The following PTCH1 variants were observed in gnomAD, a reference collection of about 807,000 sequenced individuals.
The protein encoded by PTCH1 is protein patched homolog 1.
A neutral mutation model predicts 144.6 loss-of-function variants in PTCH1; 14 were observed. That is an observed-to-expected ratio of 0.10 (90% CI 0.06 to 0.15). The LOEUF is 0.15. Ranked by LOEUF, PTCH1 falls within the 10% of genes least tolerant of loss-of-function variation. The pLI, the probability that PTCH1 is intolerant of heterozygous loss-of-function variation, is 1.00. For synonymous variants in PTCH1, 833 were observed against 793.6 expected, an observed-to-expected ratio of 1.05 and a Z score of -0.83; for missense variants, 1,623 against 1,948.3, an observed-to-expected ratio of 0.83 and a Z score of 3.14.
intron 2 of PTCH1, chr9:95,494,207 C>T: frequency 1.0e-6 from 1 of 985,626 alleles, no homozygotes; most frequent in Non-Finnish European, 1.2e-6. Context: ...GCAGTGCCAT[C>T]TGTTATCAGC....
chr9:95,500,110 G>T (rs1843051908), intron 2 of PTCH1, among the ~76,000 whole-genome samples: 1 of 152,162 alleles, frequency 6.6e-6, no homozygotes, highest in South Asian at 2.1e-4. Flanking sequence ...CTCGGCATCA[G>T]CTGTGGTGCA....
intron 2 of PTCH1, chr9:95,506,170 C>T (rs1843604373): frequency 8.1e-6 from 3 of 372,392 alleles, no homozygotes; most frequent in Non-Finnish European, 1.4e-5. Flanking sequence ...CGTCCCGCCC[C>T]CGCCGCTCTC....
chr9:95,483,142 T>C (rs1841685870), intron 3 of PTCH1: 2 of 151,518 alleles, frequency 1.3e-5, no homozygotes. Context: ...GTGCCACACA[T>C]ATATAGTCCC....
chr9:95,473,492 C>T (rs1840756873), intron 12 of PTCH1, among the ~76,000 whole-genome samples: 1 of 151,564 alleles, frequency 6.6e-6, no homozygotes, highest in Admixed American at 6.6e-5. Flanking sequence ...TTCTGATGGC[C>T]ACTGCAAAAA....
At chr9:95,460,271 G>C (rs533050486) in intron 16 of PTCH1, among the ~76,000 whole-genome samples, 1 of 152,244 alleles carries the variant, frequency 6.6e-6, no homozygotes, top group East Asian at 1.9e-4. Context: ...ATGACCTGTG[G>C]ATTCAAAAAA....
At position 95,449,081 on chromosome 9, in the gene PTCH1, G is replaced by A. The variant is rs144312968; in HGVS notation, c.3792C>T (p.Phe1264=). Residue 1264 remains phenylalanine (F), a synonymous_variant, in exon 22 of 24, where the codon TTC becomes TTT. Transcript: ENST00000331920. The surrounding 1 kb of genome is among the most constrained non-coding windows in gnomAD (Gnocchi z 5.3). ...VIVEATENPV[F]AHSTVVHPES... ...CAGAGTCACTTACAGTGGAGTGGGC[G>A]AAGACGGGGTTTTCTGTGGCTTCCA... is the stretch of plus-strand genomic sequence containing the variant. 78 of 1,614,216 alleles carry A rather than the reference G, an allele frequency of 4.8e-5. No homozygotes were observed. Among genetic ancestry groups the A allele is most frequent in the African/African-American group, 2.3e-4 (17 of 75,070 alleles).
chr9:95,484,914 G>A (rs1201918010), intron 3 of PTCH1, among the ~76,000 whole-genome samples: 1 of 152,168 alleles, frequency 6.6e-6, no homozygotes, highest in African/African-American at 2.4e-5. Context: ...TTTTTAAAAA[G>A]GTGTCAGCGG....
intron 14 of PTCH1, among the ~76,000 whole-genome samples, chr9:95,468,037 G>GCC (rs1346443246): frequency 6.6e-6 from 1 of 152,114 alleles, no homozygotes; most frequent in African/African-American, 2.4e-5. Flanking sequence ...TGCCCAAGTA[G>GCC]CTAGGACTAC....
At chr9:95,477,376 C>T (rs886893516) in intron 10 of PTCH1, among the ~76,000 whole-genome samples, 171 bp downstream of exon 10, 20 of 152,302 alleles carry the variant, frequency 1.3e-4, no homozygotes, top group Middle Eastern at 3.4e-3. Flanking sequence ...TCCCTGAGGG[C>T]GGACAGCATC....
chr9:95,453,760 C>CT, intron 19 of PTCH1, 140 bp from the exon 20 acceptor site: 1 of 1,109,464 alleles, frequency 9.0e-7, no homozygotes, highest in South Asian at 1.3e-5. Flanking sequence ...CAGAGTAGCT[C>CT]AACTAGCAGC....
chr9:95,510,002 TAAA>T (rs71498965), upstream of PTCH1, among the ~76,000 whole-genome samples: 3 of 138,638 alleles, frequency 2.2e-5, no homozygotes, highest in Admixed American at 7.2e-5. Context: ...CCCCCCAACT[TAAA>T]AAAAAAAAAA....
At chr9:95,462,971 C>A (rs1192788341) in intron 15 of PTCH1, among the ~76,000 whole-genome samples, 1 of 152,172 alleles carries the variant, frequency 6.6e-6, no homozygotes, top group Non-Finnish European at 1.5e-5. Flanking sequence ...GGCTGGTGCG[C>A]ACGCTCTCCG....
rs1039069537 is a variant in PTCH1, at chr9:95,516,819, A to G, written c.-348T>C. On this transcript the variant is annotated 5_prime_UTR_variant, in exon 1 of 23. Coordinates refer to the PTCH1 transcript ENST00000430669. ...AAGCCTGTTTCTATTAAGCAGTTCC[A>G]TGGCCCTCGGCGTGGGTGGTCTGCC... The G allele has an allele frequency of 2.5e-6, 4 of 1,600,494 alleles. No homozygotes were observed. Among genetic ancestry groups the G allele is most frequent in the East Asian group, 2.2e-5 (1 of 44,582 alleles).
chr9:95,516,491 C>G, exon 1 of PTCH1: 1 of 1,535,012 alleles, frequency 6.5e-7, no homozygotes, highest in South Asian at 1.2e-5. Flanking sequence ...TCAACCCCTG[C>G]TCGGAGCGCG....
At chr9:95,482,913 A>T (rs1378533062) in intron 3 of PTCH1, 1 of 152,644 alleles carries the variant, frequency 6.6e-6, no homozygotes, top group Non-Finnish European at 1.5e-5. Flanking sequence ...CTCTATAATG[A>T]ATGAATGAAA....
intron 2 of PTCH1, among the ~76,000 whole-genome samples, chr9:95,505,504 A>C (rs953025661): frequency 6.6e-6 from 1 of 152,198 alleles, no homozygotes; most frequent in South Asian, 2.1e-4. Flanking sequence ...CTTCGAAAAA[A>C]TATATATCTA....
intron 9 of PTCH1, 122 bp downstream of exon 9, chr9:95,477,927 ACGCTCT>A: frequency 6.5e-7 from 1 of 1,540,976 alleles, no homozygotes; most frequent in African/African-American, 1.4e-5. Context: ...CTGTGAAGCC[ACGCTCT>A]CTCTGTCCTG....
At chr9:95,514,757 G>A (rs1413827687) in intron 1 of PTCH1, among the ~76,000 whole-genome samples, 1 of 152,104 alleles carries the variant, frequency 6.6e-6, no homozygotes, top group African/African-American at 2.4e-5. Flanking sequence ...TTGTAAAACA[G>A]CCTTTTTCTT....
chr9:95,515,799 C>T (rs1002828441), intron 1 of PTCH1, among the ~76,000 whole-genome samples: 3 of 152,222 alleles, frequency 2.0e-5, no homozygotes, highest in African/African-American at 7.2e-5. Flanking sequence ...ACTCCAAAAG[C>T]CTCTCTGGCC....
Sources: gnomAD v4.1 joint callset for allele counts (sites outside exome capture counted in the v4.1 genomes callset) on GRCh38, gnomAD v4.1.1 for gene constraint, Gnocchi (gnomAD v3.1) non-coding constraint, MANE v1.5 for transcripts, NCBI Gene and HGNC (gene_info 2026-07-23, HGNC 2026-07-21) for gene names.